DOCK3: variants seen among roughly 807,000 people sequenced by gnomAD.
The protein encoded by DOCK3 is dedicator of cytokinesis protein 3.
A neutral mutation model predicts 265.6 loss-of-function variants in DOCK3; 60 were observed. The observed-to-expected ratio is 0.23, with a 90% CI of 0.18 to 0.28. The LOEUF (loss-of-function observed/expected upper bound fraction) is 0.28, where lower values mean the gene tolerates loss of function less well. DOCK3 is among the 10% of genes least tolerant of loss of function. The pLI, the probability that DOCK3 is intolerant of heterozygous loss-of-function variation, is 1.00. For synonymous variants in DOCK3, 881 were observed against 938.0 expected, an observed-to-expected ratio of 0.94 and a Z score of 1.11; for missense variants, 1,981 against 2,594.3, an observed-to-expected ratio of 0.76 and a Z score of 5.14.
chr3:51,276,333 T>G, intron 25 of DOCK3: 1 of 984,358 alleles, frequency 1.0e-6, no homozygotes, highest in East Asian at 1.1e-4. Flanking sequence ...ACCAAGCACA[T>G]AAGATCTACT....
chr3:51,228,870 T>G, intron 18 of DOCK3, 38 bp downstream of exon 18: 2 of 1,602,842 alleles, frequency 1.2e-6, no homozygotes, highest in Non-Finnish European at 1.7e-6. Context: ...CCCTCCACCC[T>G]CCTCCATTGT....
At chr3:51,197,236 T>C (rs899840266) in intron 12 of DOCK3, among the ~76,000 whole-genome samples, 8 of 152,190 alleles carry the variant, frequency 5.3e-5, no homozygotes, top group Admixed American at 3.9e-4. Context: ...CCAGTGATAG[T>C]GTCACTGGGC....
At chr3:50,795,706 T>G (rs1282308170) in intron 2 of DOCK3, among the ~76,000 whole-genome samples, 1 of 152,238 alleles carries the variant, frequency 6.6e-6, no homozygotes, top group Non-Finnish European at 1.5e-5. Context: ...TTTTTCTCTG[T>G]TATTTTCTGA....
chr3:51,315,324 A>T (rs1405883153), intron 32 of DOCK3, among the ~76,000 whole-genome samples, 196 bp downstream of exon 32: 1 of 152,224 alleles, frequency 6.6e-6, no homozygotes, highest in East Asian at 1.9e-4. Context: ...AGAGGCCAGA[A>T]AATAATGAGG....
intron 33 of DOCK3, among the ~76,000 whole-genome samples, chr3:51,331,599 A>G (rs895317278): frequency 6.6e-6 from 1 of 152,174 alleles, no homozygotes; most frequent in Non-Finnish European, 1.5e-5. Flanking sequence ...TAGTTTAGAA[A>G]AGATTCAGCT....
intron 3 of DOCK3, among the ~76,000 whole-genome samples, chr3:50,858,885 T>G: frequency 6.6e-6 from 1 of 152,132 alleles, no homozygotes; most frequent in Non-Finnish European, 1.5e-5. Context: ...TTTCTCTGTC[T>G]TATTTTAGAG....
chr3:51,318,016 T>A (rs1054117916), intron 32 of DOCK3, among the ~76,000 whole-genome samples: 1 of 152,182 alleles, frequency 6.6e-6, no homozygotes, highest in Admixed American at 6.5e-5. Flanking sequence ...TTTAAATAAA[T>A]TTAGAATCAG....
chr3:50,812,272 G>A (rs975927412), intron 2 of DOCK3, among the ~76,000 whole-genome samples: 5 of 152,156 alleles, frequency 3.3e-5, no homozygotes, highest in East Asian at 1.9e-4. Flanking sequence ...GGCCTCCAAC[G>A]TGCAAGTCCA....
chr3:51,295,121 A>G (rs1231088135), intron 27 of DOCK3, among the ~76,000 whole-genome samples: 2 of 152,252 alleles, frequency 1.3e-5, no homozygotes, highest in Non-Finnish European at 2.9e-5. Flanking sequence ...GTCTTAGTCC[A>G]TTTTGTGTTT....
At chr3:51,159,938 AT>A (rs2086051216) in intron 11 of DOCK3, among the ~76,000 whole-genome samples, 1 of 152,336 alleles carries the variant, frequency 6.6e-6, no homozygotes, top group African/African-American at 2.4e-5. Context: ...ATCAAAGAAT[AT>A]TTTTTAATCC....
intron 1 of DOCK3, among the ~76,000 whole-genome samples, chr3:50,732,758 CA>C (rs1190276975): frequency 6.6e-6 from 1 of 151,890 alleles, no homozygotes; most frequent in Non-Finnish European, 1.5e-5. Context: ...GAACATTTGG[CA>C]AAATTATGTA....
At chr3:50,973,245 G>A (rs1173616797) in intron 5 of DOCK3, among the ~76,000 whole-genome samples, 13 of 149,390 alleles carry the variant, frequency 8.7e-5, no homozygotes, top group Admixed American at 2.0e-4. Context: ...CCACTAACTC[G>A]TCATCTAGCC....
chr3:50,772,195 A>T (rs1035166913), intron 1 of DOCK3, among the ~76,000 whole-genome samples: 1 of 150,560 alleles, frequency 6.6e-6, no homozygotes, highest in Admixed American at 6.7e-5. Flanking sequence ...CCAGGCACAG[A>T]AAAACAGACA....
intron 23 of DOCK3, among the ~76,000 whole-genome samples, chr3:51,265,606 A>T (rs537873587): frequency 6.6e-6 from 1 of 152,344 alleles, no homozygotes; most frequent in African/African-American, 2.4e-5. Flanking sequence ...AAACTACTTT[A>T]TTATCTCAAT....
At chr3:50,916,566 G>A (rs1468559928) in intron 4 of DOCK3, among the ~76,000 whole-genome samples, 2 of 151,964 alleles carry the variant, frequency 1.3e-5, no homozygotes, top group East Asian at 1.9e-4. Flanking sequence ...ACCTGTAATC[G>A]CAGCACTTTG....
chr3:50,985,263 A>G (rs574950458), intron 5 of DOCK3, among the ~76,000 whole-genome samples: 1 of 152,358 alleles, frequency 6.6e-6, no homozygotes, highest in East Asian at 1.9e-4. Context: ...AATTTTGATT[A>G]CTATTAAAAG....
intron 22 of DOCK3, among the ~76,000 whole-genome samples, chr3:51,249,307 G>A (rs1486220831): frequency 3.0e-5 from 4 of 132,500 alleles, no homozygotes; most frequent in Admixed American, 7.3e-5. Context: ...CCAACCAGCC[G>A]CCCCGTCCGG....
intron 18 of DOCK3, 89 bp from the exon 19 acceptor site, chr3:51,229,423 C>T (rs1286076169): frequency 6.5e-6 from 6 of 917,912 alleles, no homozygotes; most frequent in African/African-American, 3.4e-5. Flanking sequence ...CGCACTCCAG[C>T]CTGGGCAACA....
rs116217418 is a variant in DOCK3 at position 50,682,321 on chromosome 3, C to T, written c.37+7021C>T. Among the ~76,000 whole-genome samples, 1,170 of 152,250 alleles carry T rather than the reference C, an allele frequency of 7.7e-3. 19 individuals are homozygous for T. Among genetic ancestry groups the T allele is most frequent in the African/African-American group, 0.027 (1,124 of 41,524 alleles). On this transcript the variant is annotated intron_variant, in intron 1 of 52. Coordinates refer to ENST00000266037, the MANE Select transcript of DOCK3 (RefSeq NM_004947.5). Reference sequence around the variant, plus strand: ...TTTGTACTTAACTCATAACTAGTGCCGCCATGTCCCAGGACCATTAAACAC... The same window carrying T: ...TTTGTACTTAACTCATAACTAGTGCTGCCATGTCCCAGGACCATTAAACAC...
Sources: gnomAD v4.1 joint callset for allele counts (sites outside exome capture counted in the v4.1 genomes callset) on GRCh38, gnomAD v4.1.1 for gene constraint, MANE v1.5 for transcripts, NCBI Gene and HGNC (gene_info 2026-07-23, HGNC 2026-07-21) for gene names.